CHRNA7: variants seen among roughly 807,000 people sequenced by gnomAD.
CHRNA7 encodes neuronal acetylcholine receptor subunit alpha-7.
Under a neutral mutation model 48.0 loss-of-function variants are expected in CHRNA7, and 17 were observed. The observed-to-expected ratio is 0.35, with a 90% CI of 0.24 to 0.53. The LOEUF is 0.53. CHRNA7 is among the 20% of genes least tolerant of loss of function. The pLI, the probability that CHRNA7 is intolerant of heterozygous loss-of-function variation, is 0.92. For missense variants in CHRNA7, 155 were observed against 577.7 expected, an observed-to-expected ratio of 0.27 and a Z score of 7.50; for synonymous variants, 75 against 242.3, an observed-to-expected ratio of 0.31 and a Z score of 6.41.
chr15:32,123,711 C>T (rs887179254), intron 4 of CHRNA7, among the ~76,000 whole-genome samples: 1 of 152,108 alleles, frequency 6.6e-6, no homozygotes, highest in Non-Finnish European at 1.5e-5. Flanking sequence ...CATTTGCTCC[C>T]CTAGAAACCG....
intron 2 of CHRNA7, among the ~76,000 whole-genome samples, chr15:32,054,609 C>T (rs2141194362): frequency 6.6e-6 from 1 of 152,302 alleles, no homozygotes; most frequent in South Asian, 2.1e-4. Flanking sequence ...ACTTCAAACA[C>T]CAAAGTCTAG....
intron 2 of CHRNA7, among the ~76,000 whole-genome samples, chr15:32,063,849 C>T (rs1566813471): frequency 6.6e-6 from 1 of 152,178 alleles, no homozygotes; most frequent in East Asian, 1.9e-4. Flanking sequence ...CAAATAGCTA[C>T]TTTGTATTAT....
Position 32,146,246 on chromosome 15 carries a change from G to A in CHRNA7, c.351-7661G>A, listed in dbSNP as rs370285155. 1.2e-4 allele frequency among the ~76,000 whole-genome samples: 19 copies of A among 152,270 alleles called. No homozygotes were observed. The South Asian group carries it at 3.5e-3, about 28-fold the overall frequency. Reference sequence around the variant, plus strand: ...ATAAATGATCATTCTGGTAGCTGGAGAAAAATCAGTTGATGTTATTTAAAA... The same window carrying A: ...ATAAATGATCATTCTGGTAGCTGGAAAAAAATCAGTTGATGTTATTTAAAA... On this transcript the variant is annotated intron_variant, in intron 4 of 9. Transcript: ENST00000306901.
intron 4 of CHRNA7, among the ~76,000 whole-genome samples, chr15:32,132,999 C>T (rs898086538): frequency 5.3e-5 from 8 of 152,320 alleles, no homozygotes; most frequent in Admixed American, 3.9e-4. Flanking sequence ...GGACTTTGGG[C>T]ATCCGATTGT....
chr15:32,098,664 G>A (rs1383802785), intron 2 of CHRNA7: 1 of 152,242 alleles, frequency 6.6e-6, no homozygotes, highest in Non-Finnish European at 1.5e-5. Flanking sequence ...ACATACTGTG[G>A]TATTGCAGGA....
chr15:32,145,202 G>A (rs927652246), intron 4 of CHRNA7, among the ~76,000 whole-genome samples: 1 of 152,174 alleles, frequency 6.6e-6, no homozygotes, highest in African/African-American at 2.4e-5. Flanking sequence ...GAGTTTGCTG[G>A]AGGTCCACTC....
Position 32,149,176 on chromosome 15 carries a change from C to T in CHRNA7, c.351-4731C>T, listed in dbSNP as rs1471761527. The stretch of plus-strand genomic sequence containing the variant: ...TGGATGTACTGTGTCTTCCAGTAGT[C>T]AAAATAAAGAATATATTTGGCCATT... On this transcript the variant is annotated intron_variant, in intron 4 of 9. Transcript: ENST00000306901. The surrounding 1 kb of genome is among the most constrained non-coding windows in gnomAD (Gnocchi z 4.6). Among the ~76,000 whole-genome samples, 1 of 152,196 alleles carries T rather than the reference C, an allele frequency of 6.6e-6. No homozygotes were observed. The highest frequency in any genetic ancestry group is 1.9e-4 in the East Asian group (1 of 5,198).
chr15:32,089,787 G>T (rs1469749918), intron 2 of CHRNA7, among the ~76,000 whole-genome samples: 1 of 152,176 alleles, frequency 6.6e-6, no homozygotes, highest in Non-Finnish European at 1.5e-5. Context: ...AAATGGTCAT[G>T]ACATTATGAA....
chr15:32,052,459 G>A (rs981636961), intron 2 of CHRNA7, among the ~76,000 whole-genome samples: 5 of 152,120 alleles, frequency 3.3e-5, no homozygotes, highest in Non-Finnish European at 7.4e-5. Flanking sequence ...GGCCAGGTGC[G>A]TTGGCTCACA....
intron 2 of CHRNA7, among the ~76,000 whole-genome samples, chr15:32,065,970 C>T (rs781188788): frequency 5.4e-5 from 7 of 128,576 alleles, no homozygotes; most frequent in African/African-American, 9.7e-5. Flanking sequence ...AGGTGTGCCC[C>T]GGCACACAAC....
chr15:32,047,738 C>A (rs1430707708), intron 2 of CHRNA7, among the ~76,000 whole-genome samples: 1 of 152,176 alleles, frequency 6.6e-6, no homozygotes, highest in Non-Finnish European at 1.5e-5. Context: ...GAGGGCATCC[C>A]TGTCTGTGCC....
chr15:32,140,579 T>C (rs2051360387), intron 4 of CHRNA7, among the ~76,000 whole-genome samples: 1 of 152,196 alleles, frequency 6.6e-6, no homozygotes, highest in South Asian at 2.1e-4. Context: ...CTCTCTAGCA[T>C]CTGTTGTTTC....
At chr15:32,137,261 C>T (rs1322801595) in intron 4 of CHRNA7, among the ~76,000 whole-genome samples, 8 of 151,068 alleles carry the variant, frequency 5.3e-5, no homozygotes, top group Admixed American at 1.3e-4. Context: ...ACCATATATA[C>T]GTAAAGGATG....
At chr15:32,063,237 A>T (rs551116818) in intron 2 of CHRNA7, among the ~76,000 whole-genome samples, 9 of 130,034 alleles carry the variant, frequency 6.9e-5, no homozygotes, top group Admixed American at 3.1e-4. Flanking sequence ...ACACTAAATT[A>T]AAAAAAAAAA....
chr15:32,079,481 A>C (rs530194539), intron 2 of CHRNA7, among the ~76,000 whole-genome samples: 6 of 152,292 alleles, frequency 3.9e-5, no homozygotes, highest in African/African-American at 9.6e-5. Context: ...AATATGCAAG[A>C]GTCACAAACA....
At chr15:32,147,546 C>T (rs1048762802) in intron 4 of CHRNA7, among the ~76,000 whole-genome samples, 1 of 152,130 alleles carries the variant, frequency 6.6e-6, no homozygotes, top group Admixed American at 6.5e-5. Context: ...AAGCATGACC[C>T]TGTCTCAAAA....
chr15:32,105,600 ATAG>A (rs1203101508), intron 3 of CHRNA7, among the ~76,000 whole-genome samples: 2 of 152,244 alleles, frequency 1.3e-5, no homozygotes, highest in Admixed American at 1.3e-4. Flanking sequence ...TGGTGGTCAG[ATAG>A]TAGAGGCCAG....
At chr15:32,044,406 T>C (rs2049503495) in intron 2 of CHRNA7, among the ~76,000 whole-genome samples, 2 of 152,056 alleles carry the variant, frequency 1.3e-5, no homozygotes, top group Admixed American at 6.6e-5. Flanking sequence ...GCCTCCCGAG[T>C]AGCTGGAACT....
chr15:32,043,754 G>A (rs1019526542), intron 2 of CHRNA7, among the ~76,000 whole-genome samples: 10 of 70,842 alleles, frequency 1.4e-4, no homozygotes, highest in African/African-American at 2.5e-4. Flanking sequence ...AGATTTACTC[G>A]TATATTTACC....
Sources: gnomAD v4.1 joint callset for allele counts (sites outside exome capture counted in the v4.1 genomes callset) on GRCh38, gnomAD v4.1.1 for gene constraint, Gnocchi (gnomAD v3.1) non-coding constraint, MANE v1.5 for transcripts, NCBI Gene and HGNC (gene_info 2026-07-23, HGNC 2026-07-21) for gene names.